Variants in ALDH18A1 observed in about 807,000 individuals in gnomAD.
The protein encoded by ALDH18A1 is aldehyde dehydrogenase 18 family member A1.
A neutral mutation model predicts 88.8 loss-of-function variants in ALDH18A1; 44 were observed. That is an observed-to-expected ratio of 0.50 (90% CI 0.39 to 0.64). The LOEUF (loss-of-function observed/expected upper bound fraction) is 0.64, where lower values mean the gene tolerates loss of function less well. Among genes scored for constraint, ALDH18A1 ranks in the 30% least tolerant of loss-of-function variants. The pLI, the probability that ALDH18A1 is intolerant of heterozygous loss-of-function variation, is 0.00. For synonymous variants in ALDH18A1, 331 were observed against 372.1 expected (o/e 0.89, Z 1.27); for missense variants, 782 against 1,009.5 (o/e 0.77, Z 3.05).
At chr10:95,646,756 C>A (rs2097901945) in intron 2 of ALDH18A1, among the ~76,000 whole-genome samples, 1 of 152,160 alleles carries the variant, frequency 6.6e-6, no homozygotes, top group South Asian at 2.1e-4. Flanking sequence ...CAAAGAAAAT[C>A]TGTCCCCTCT....
chr10:95,651,606 G>C (rs1290511326), intron 2 of ALDH18A1, among the ~76,000 whole-genome samples: 2 of 152,164 alleles, frequency 1.3e-5, no homozygotes, highest in Non-Finnish European at 2.9e-5. Context: ...AGGGGAAGCA[G>C]GCATCTCCAA....
chr10:95,617,031 G>C (rs2097845331), intron 12 of ALDH18A1, among the ~76,000 whole-genome samples: 1 of 152,226 alleles, frequency 6.6e-6, no homozygotes, highest in African/African-American at 2.4e-5. Flanking sequence ...TGGATCACCT[G>C]AGGTCAGGAG....
chr10:95,606,869 T>C lies in ALDH18A1; in HGVS notation c.2281A>G (p.Lys761Glu). 1 of 1,614,220 alleles carries C rather than the reference T, an allele frequency of 6.2e-7. No homozygotes were observed. Among genetic ancestry groups the C allele is most frequent in the African/African-American group, 1.3e-5 (1 of 75,068 alleles). The stretch of plus-strand genomic sequence containing the variant: ...TGGTCCTTCCCTCGCAGCAGCCACT[T>C]AGTAGTAAGCAGTCCCTCAAGTCCT... ...PVGLEGLLTT[K>E]WLLRGKDHVV... Residue 761 changes from lysine (K) to glutamate (E), a missense_variant, in exon 18 of 18, where the codon AAG becomes GAG. Lys to Glu is a moderately conservative substitution (Grantham distance 56). Transcript: ENST00000371224.
intron 3 of ALDH18A1, among the ~76,000 whole-genome samples, chr10:95,641,977 T>G (rs546328969): frequency 6.6e-6 from 1 of 152,316 alleles, no homozygotes; most frequent in African/African-American, 2.4e-5. Context: ...CTCACTTTGT[T>G]GCTCAGGCTT....
intron 3 of ALDH18A1, among the ~76,000 whole-genome samples, chr10:95,641,698 G>A (rs1390662511): frequency 7.2e-5 from 11 of 152,138 alleles, no homozygotes; most frequent in South Asian, 6.2e-4. Flanking sequence ...GAGTGCAGTC[G>A]CATGATCATA....
At chr10:95,622,606 C>T (rs1409043162) in intron 11 of ALDH18A1, among the ~76,000 whole-genome samples, 2 of 152,138 alleles carry the variant, frequency 1.3e-5, no homozygotes, top group African/African-American at 4.8e-5. Flanking sequence ...GGCGCAATCT[C>T]GGCTCACTGC....
At chr10:95,633,692 C>T (rs369415398) in intron 5 of ALDH18A1, 43 bp from the exon 6 acceptor site, 124 of 1,604,872 alleles carry the variant, frequency 7.7e-5, no homozygotes, top group Non-Finnish European at 9.9e-5. Flanking sequence ...GGGAGAAAAA[C>T]GCTAAACTTC....
At chr10:95,648,929 A>G (rs2097905461) in intron 2 of ALDH18A1, among the ~76,000 whole-genome samples, 2 of 152,240 alleles carry the variant, frequency 1.3e-5, no homozygotes, top group African/African-American at 4.8e-5. Context: ...CAGAAGGGCT[A>G]GTTTTAAAAA....
Position 95,611,367 on chromosome 10 carries a change from C to T in ALDH18A1, c.1999G>A (p.Glu667Lys), listed in dbSNP as rs758116463. Residue 667 changes from glutamate to lysine, a missense_variant, in exon 16 of 18, where the codon GAG (glutamate) becomes AAG (lysine). Glu to Lys is a moderately conservative substitution (Grantham distance 56). Around this residue, in one of 3 missense-constraint regions of ALDH18A1, gnomAD observed 556 missense variants for 654.5 expected, o/e 0.85. Coordinates refer to ENST00000371224, the MANE Select transcript of ALDH18A1 (RefSeq NM_002860.4). ...ATGCATAATTCCAGGTCCCCATACT[C>T]AGTTCGGAGTGACTTCACTTCGGAG... is the stretch of plus-strand genomic sequence containing the variant. ...SPSEVKSLRTEYGDLELCIEV... is the reference protein window; with the variant it reads ...SPSEVKSLRTKYGDLELCIEV... The T allele has an allele frequency of 1.2e-6, 2 of 1,614,216 alleles. No individual in the cohort carries two copies. The highest frequency in any genetic ancestry group is 8.5e-7 in the Non-Finnish European group (1 of 1,180,042).
chr10:95,654,146 C>T (rs969915439), intron 1 of ALDH18A1, among the ~76,000 whole-genome samples: 1 of 149,710 alleles, frequency 6.7e-6, no homozygotes, highest in African/African-American at 2.4e-5. Context: ...ACAGGGAGAA[C>T]AAGCCATTCA....
rs752669339 is a variant in ALDH18A1, at chr10:95,610,260, C to G, written c.2143G>C (p.Asp715His). The G allele has an allele frequency of 3.7e-6, 6 of 1,614,004 alleles. No homozygotes were observed. The highest frequency in any genetic ancestry group is 5.1e-6 in the Non-Finnish European group (6 of 1,179,984). ...GCATTCCAGAACACACAGGCACTGTCTACGTGCTGCAGGAAGAACTCCGCT... is the reference window on the plus strand; with the variant it reads ...GCATTCCAGAACACACAGGCACTGTGTACGTGCTGCAGGAAGAACTCCGCT... The part of the protein sequence containing the change: ...NTAEFFLQHV[D>H]SACVFWNAST... Residue 715 changes from aspartate to histidine, a missense_variant, in exon 17 of 18, where the codon GAC becomes CAC. Transcript: ENST00000371224.
At chr10:95,639,201 T>C (rs1589548731) in intron 3 of ALDH18A1, among the ~76,000 whole-genome samples, 2 of 152,068 alleles carry the variant, frequency 1.3e-5, no homozygotes, top group African/African-American at 2.4e-5. Context: ...CCAAGTAGCA[T>C]GTGCCTGTAG....
chr10:95,632,908 T>A, intron 7 of ALDH18A1, 51 bp downstream of exon 7: 1 of 1,459,824 alleles, frequency 6.9e-7, no homozygotes, highest in African/African-American at 1.4e-5. Flanking sequence ...TGCTCACATA[T>A]GTAGCATTTA....
rs1353713339 is a variant in ALDH18A1, at chr10:95,621,231, G to A, written c.1267C>T (p.Leu423=). ...GATGTGGAGAGGCTTAAACGTTTCAGCAGAGGAGCTGCAAGTCTCCCTGAA... is the reference window on the plus strand; with the variant it reads ...GATGTGGAGAGGCTTAAACGTTTCAACAGAGGAGCTGCAAGTCTCCCTGAA... The part of the protein sequence containing the change: ...EAEGRLAAPL[L]KRLSLSTSKL... The change falls in exon 12 of 18, where the codon CTG becomes TTG. Residue 423 remains leucine, a synonymous_variant. Transcript: ENST00000371224. 1 of 1,613,266 alleles carries A rather than the reference G, an allele frequency of 6.2e-7. No individual in the cohort carries two copies. The highest frequency in any genetic ancestry group is 1.3e-5 in the African/African-American group (1 of 74,894).
In ALDH18A1 at chr10:95,606,640, G is replaced by T; in HGVS notation, c.*122C>A. The T allele has an allele frequency of 6.2e-7, 1 of 1,606,458 alleles. No individual in the cohort carries two copies. The highest frequency in any genetic ancestry group is 8.5e-7 in the Non-Finnish European group (1 of 1,178,708). ...GCCAAACGGAGCCCAGAAGCATCCA[G>T]GTACACTTTCCAACAGGCAGACCCT... On this transcript the variant is annotated 3_prime_UTR_variant, in exon 18 of 18. Coordinates refer to ENST00000371224, the MANE Select transcript of ALDH18A1 (RefSeq NM_002860.4).
At chr10:95,608,469 T>C (rs1038449475) in intron 17 of ALDH18A1, among the ~76,000 whole-genome samples, 39 of 152,268 alleles carry the variant, frequency 2.6e-4, no homozygotes, top group Non-Finnish European at 5.3e-4. Context: ...GATCATCTAC[T>C]CAAAAAGTTC....
chr10:95,617,784 G>A (rs930023707), intron 12 of ALDH18A1, among the ~76,000 whole-genome samples: 2 of 152,214 alleles, frequency 1.3e-5, no homozygotes, highest in Admixed American at 6.5e-5. Context: ...TGAGGTATCA[G>A]CTGGTATGGA....
intron 2 of ALDH18A1, among the ~76,000 whole-genome samples, chr10:95,648,370 G>A (rs2097904647): frequency 6.6e-6 from 1 of 151,150 alleles, no homozygotes; most frequent in Non-Finnish European, 1.5e-5. Context: ...TCATCTTACT[G>A]AATTCTCATG....
chr10:95,620,229 A>G (rs2097850065), intron 12 of ALDH18A1, among the ~76,000 whole-genome samples: 1 of 152,254 alleles, frequency 6.6e-6, no homozygotes, highest in South Asian at 2.1e-4. Flanking sequence ...CAAAACCACA[A>G]TGAGATACCA....
Sources: allele counts gnomAD v4.1 joint callset (sites outside exome capture counted in the v4.1 genomes callset), GRCh38; gene constraint gnomAD v4.1.1; regional missense constraint gnomAD v4.1.1; transcripts MANE v1.5; gene names NCBI Gene and HGNC (gene_info 2026-07-23, HGNC 2026-07-21).